The following DNAH17 variants were observed in gnomAD, a reference collection of about 807,000 sequenced individuals.
DNAH17 encodes the protein dynein axonemal heavy chain 17.
A neutral mutation model predicts 485.6 loss-of-function variants in DNAH17; 376 were observed. The observed-to-expected ratio is 0.77, with a 90% CI of 0.71 to 0.84. The LOEUF (loss-of-function observed/expected upper bound fraction) is 0.84. Ranked by LOEUF, DNAH17 falls within the 40% of genes least tolerant of loss-of-function variation. The probability of loss-of-function intolerance (pLI) is 0.00; values close to 1 mark genes in which losing one functional copy is unlikely to be tolerated. For missense variants in DNAH17, 6,370 were observed against 5,839.3 expected (o/e 1.09, Z -2.96); for synonymous variants, 3,031 against 2,405.9 (o/e 1.26, Z -7.60).
rs1016612716 is a variant in DNAH17 at position 78,451,677 on chromosome 17, G to A, written c.10530-4C>T. On this transcript the variant is annotated splice_region_variant and splice_polypyrimidine_tract_variant and intron_variant, in intron 65 of 80. Transcript: ENST00000389840. ...CTTGTCACCGATCTTAATGTACCTG[G>A]CGGTTGGTGGAGGAAAGGGTTAGTG... The A allele has an allele frequency of 6.4e-7, 1 of 1,554,924 alleles. No homozygotes were observed. The highest frequency in any genetic ancestry group is 8.7e-7 in the Non-Finnish European group (1 of 1,149,878).
chr17:78,465,907 G>C (rs2088424128), intron 56 of DNAH17, among the ~76,000 whole-genome samples: 1 of 152,144 alleles, frequency 6.6e-6, no homozygotes, highest in South Asian at 2.1e-4. Context: ...CCTCTGCCCG[G>C]CCACCACCCC....
intron 51 of DNAH17, among the ~76,000 whole-genome samples, chr17:78,477,978 T>TCAC (rs1568117172): frequency 0.025 from 2,954 of 117,868 alleles, 194 homozygotes; most frequent in African/African-American, 0.11. Context: ...ACCACCATCA[T>TCAC]CATCACCACC....
chr17:78,473,889 C>G (rs1231288877), intron 54 of DNAH17, among the ~76,000 whole-genome samples: 1 of 152,236 alleles, frequency 6.6e-6, no homozygotes, highest in Non-Finnish European at 1.5e-5. Flanking sequence ...CCAATGTGAA[C>G]TAACTCCATC....
At chr17:78,431,355 T>G (rs1405229401) in intron 75 of DNAH17, among the ~76,000 whole-genome samples, 1 of 151,488 alleles carries the variant, frequency 6.6e-6, no homozygotes, top group Non-Finnish European at 1.5e-5. Context: ...TGTGCCCCTC[T>G]CCCCCTCCTG....
At chr17:78,509,265 C>A (rs1329201675) in intron 27 of DNAH17, among the ~76,000 whole-genome samples, 1 of 151,392 alleles carries the variant, frequency 6.6e-6, no homozygotes, top group Non-Finnish European at 1.5e-5. Context: ...CGTGCCCGGT[C>A]CCCCGCTAAT....
intron 14 of DNAH17, among the ~76,000 whole-genome samples, chr17:78,557,716 G>A (rs2092057925): frequency 1.6e-5 from 1 of 61,446 alleles, no homozygotes; most frequent in Admixed American, 1.8e-4. Context: ...CAGCTGTTCT[G>A]AGTCATCACT....
At chr17:78,534,019 A>G (rs1261257946) in intron 19 of DNAH17, among the ~76,000 whole-genome samples, 1 of 152,226 alleles carries the variant, frequency 6.6e-6, no homozygotes, top group Non-Finnish European at 1.5e-5. Flanking sequence ...AAAATAAAAA[A>G]ACCTTATGGG....
Position 78,567,082 on chromosome 17 carries a change from C to T in DNAH17, c.1369G>A (p.Val457Met). The T allele has an allele frequency of 6.2e-7, 1 of 1,613,446 alleles. No homozygotes were observed. The highest frequency in any genetic ancestry group is 1.1e-5 in the South Asian group (1 of 90,890). Reference sequence around the variant, plus strand: ...AAGACCTCATCATAGATACGGGTCACCAGGCTCCCGAGGAGGTTCCCACGC... The same window carrying T: ...AAGACCTCATCATAGATACGGGTCATCAGGCTCCCGAGGAGGTTCCCACGC... ...GVRGNLLGSL[V>M]TRIYDEVFEL... The change falls in exon 10 of 81, where the codon GTG becomes ATG. Residue 457 changes from valine (V) to methionine (M), a missense_variant. Physicochemically the swap from Val to Met is conservative, Grantham distance 21 (BLOSUM62 1). Transcript: ENST00000389840.
At chr17:78,428,942 AAAAAG>A (rs2086578543) in intron 76 of DNAH17, among the ~76,000 whole-genome samples, 174 bp downstream of exon 76, 1 of 149,318 alleles carries the variant, frequency 6.7e-6, no homozygotes, top group Non-Finnish European at 1.5e-5. Context: ...AAAAAAAAAA[AAAAAG>A]GTTGTTTGTA....
chr17:78,525,823 C>T (rs4969158), intron 24 of DNAH17, among the ~76,000 whole-genome samples: 19,977 of 152,274 alleles, frequency 0.13, 1,716 homozygotes, highest in Middle Eastern at 0.22. Context: ...GCATCTCCAT[C>T]GTGGCTTGAG....
rs1412500493 is a variant in DNAH17, at chr17:78,574,989, C to T, written c.69G>A (p.Lys23=). The stretch of plus-strand genomic sequence containing the variant: ...CTATCAGCTTGCTCCACTTGTCCGG[C>T]TTGAACTTCAGGACGATGGAGGCAA... ...EEVASIVLKF[K]PDKWSKLIGA... is the part of the protein sequence containing the mutation. Residue 23 remains lysine, a synonymous_variant, in exon 2 of 81, where the codon AAG becomes AAA. Coordinates refer to ENST00000389840, the MANE Select transcript of DNAH17 (RefSeq NM_173628.4). The T allele has an allele frequency of 5.0e-6, 8 of 1,613,908 alleles. No homozygotes were observed. Among genetic ancestry groups the T allele is most frequent in the Non-Finnish European group, 6.8e-6 (8 of 1,179,902 alleles).
chr17:78,458,722 G>C, intron 61 of DNAH17, 42 bp from the exon 62 acceptor site: 1 of 1,533,788 alleles, frequency 6.5e-7, no homozygotes, highest in South Asian at 1.1e-5. Flanking sequence ...ACCCCACGAG[G>C]CATCTCTAGC....
At position 78,539,767 on chromosome 17, in the gene DNAH17, C is replaced by G. The variant is rs751634482; in HGVS notation, c.2646G>C (p.Leu882=). Residue 882 remains leucine, a synonymous_variant, in exon 18 of 81, where the codon CTG becomes CTC. Coordinates refer to ENST00000389840, the MANE Select transcript of DNAH17 (RefSeq NM_173628.4). Reference sequence around the variant, plus strand: ...TAACCATGTTGTCCATTAGGAAACTCAGAGATTTGCGAATGAACTGGTCAA... The same window carrying G: ...TAACCATGTTGTCCATTAGGAAACTGAGAGATTTGCGAATGAACTGGTCAA... The part of the protein sequence containing the change: ...DEFDQFIRKS[L]SFLMDNMVID... 1 of 1,611,424 alleles carries G rather than the reference C, an allele frequency of 6.2e-7. No homozygotes were observed. The highest frequency in any genetic ancestry group is 1.1e-5 in the South Asian group (1 of 90,740).
intron 31 of DNAH17, 50 bp downstream of exon 31, chr17:78,505,243 G>A (rs376312470): frequency 9.1e-5 from 146 of 1,609,052 alleles, no homozygotes; most frequent in South Asian, 3.1e-4. Context: ...GCCCACACGC[G>A]TGCTGCACCC....
chr17:78,447,259 G>A lies in DNAH17; in HGVS notation c.11212-1579C>T, dbSNP rs755032766. Among the ~76,000 whole-genome samples, 52 of 152,238 alleles carry A rather than the reference G, an allele frequency of 3.4e-4. 2 individuals are homozygous for A. Among genetic ancestry groups the A allele is most frequent in the Admixed American group, 1.1e-3 (17 of 15,282 alleles). On this transcript the variant is annotated intron_variant, in intron 69 of 80. Coordinates refer to ENST00000389840, the MANE Select transcript of DNAH17 (RefSeq NM_173628.4). ...GCTTTTGGCTGCTGCGATTAATGCTGTTGTGAATGCTGATGTACAGGAATG... is the reference window on the plus strand; with the variant it reads ...GCTTTTGGCTGCTGCGATTAATGCTATTGTGAATGCTGATGTACAGGAATG...
At chr17:78,498,073 C>T (rs751109802) in intron 37 of DNAH17, among the ~76,000 whole-genome samples, 4 of 151,924 alleles carry the variant, frequency 2.6e-5, no homozygotes, top group Non-Finnish European at 5.9e-5. Flanking sequence ...ACCCGGGAGG[C>T]GGAGGTTCAG....
At chr17:78,445,791 G>A (rs997942279) in intron 69 of DNAH17, 111 bp from the exon 70 acceptor site, 14 of 1,173,350 alleles carry the variant, frequency 1.2e-5, no homozygotes, top group African/African-American at 1.1e-4. Context: ...TGCAGGGGGC[G>A]CCCTGTCCTG....
intron 16 of DNAH17, among the ~76,000 whole-genome samples, 188 bp from the exon 17 acceptor site, chr17:78,544,185 G>A (rs768977933): frequency 1.3e-5 from 2 of 152,192 alleles, no homozygotes; most frequent in African/African-American, 2.4e-5. Context: ...GTTGACCAGA[G>A]AACCTTAAAT....
chr17:78,492,686 G>A lies in DNAH17; in HGVS notation c.6488C>T (p.Thr2163Ile), dbSNP rs1381557832. 1.9e-6 allele frequency: 3 copies of A among 1,613,540 alleles called. No homozygotes were observed. Among genetic ancestry groups the A allele is most frequent in the South Asian group, 1.1e-5 (1 of 91,036 alleles). Reference sequence around the variant, plus strand: ...GATGATGCCAAAGAGCTCGTCGCAGGTGACGGCCTTGGGGTCCAGGTCCAC... The same window carrying A: ...GATGATGCCAAAGAGCTCGTCGCAGATGACGGCCTTGGGGTCCAGGTCCAC... The part of the protein sequence containing the change: ...VAVDLDPKAV[T>I]CDELFGIINP... The change falls in exon 42 of 81, where the codon ACC becomes ATC. Residue 2163 changes from threonine (T) to isoleucine (I), a missense_variant. Transcript: ENST00000389840.
Sources: gnomAD v4.1 joint callset for allele counts (sites outside exome capture counted in the v4.1 genomes callset) on GRCh38, gnomAD v4.1.1 for gene constraint, MANE v1.5 for transcripts, NCBI Gene and HGNC (gene_info 2026-07-23, HGNC 2026-07-21) for gene names.